The following POU2F1 variants were observed in gnomAD, a reference collection of about 807,000 sequenced individuals.
POU2F1 encodes the protein POU class 2 homeobox 1.
POU2F1 carries 16 observed loss-of-function variants against 84.9 expected under a neutral mutation model. The ratio of observed to expected loss-of-function variants is 0.19; its 90% CI spans 0.13 to 0.29. The LOEUF (loss-of-function observed/expected upper bound fraction) is 0.29. Among genes scored for constraint, POU2F1 ranks in the 10% least tolerant of loss-of-function variants. The pLI, the probability that POU2F1 is intolerant of heterozygous loss-of-function variation, is 1.00. For synonymous variants in POU2F1, 368 were observed against 368.3 expected (o/e 1.00, Z 0.01); for missense variants, 738 against 942.6 (o/e 0.78, Z 2.84).
intron 1 of POU2F1, among the ~76,000 whole-genome samples, chr1:167,273,217 G>A (rs1281546483): frequency 2.0e-5 from 3 of 152,224 alleles, no homozygotes; most frequent in African/African-American, 7.2e-5. Flanking sequence ...TGGCTCTACA[G>A]GGTACAGCCC....
chr1:167,416,506 A>G lies in POU2F1; in HGVS notation c.*696A>G, dbSNP rs898639058. ...AGGGAGGGTTTTGGGGTAAGGGGAG[A>G]CTTCTGTTCTTAACTGTGGGGAATG... On this transcript the variant is annotated 3_prime_UTR_variant, in exon 16 of 16. Transcript: ENST00000367866. The G allele has an allele frequency of 1.3e-5, 2 of 157,598 alleles. No homozygotes were observed. The highest frequency in any genetic ancestry group is 2.8e-5 in the Non-Finnish European group (2 of 72,238). The allele number at this position is 157,598 out of a possible 1,614,324, so 9.8% of individuals were successfully genotyped here.
chr1:167,264,835 C>G (rs1201234871), intron 1 of POU2F1, among the ~76,000 whole-genome samples: 2 of 152,154 alleles, frequency 1.3e-5, no homozygotes, highest in Non-Finnish European at 2.9e-5. Context: ...CATGTCTCTC[C>G]TGCTCCAGAT....
Position 167,425,412 on chromosome 1 carries a change from G to C in POU2F1, c.*9602G>C, listed in dbSNP as rs1168027874. 1.3e-5 allele frequency: 2 copies of C among 152,326 alleles called. No homozygotes were observed. The highest frequency in any genetic ancestry group is 2.9e-5 in the Non-Finnish European group (2 of 68,140). 9.4% of individuals were successfully genotyped at this position (152,326 alleles called of 1,614,324 possible). A position where few individuals can be genotyped will look rare whatever the true frequency, so the allele number is the denominator to read the frequency against. ...GGAAGGTGGGGCGGGGGGACCCTCT[G>C]ACTGGATCAGAAAGGGCAGGCAAGC... On this transcript the variant is annotated 3_prime_UTR_variant, in exon 16 of 16. Transcript: ENST00000367866.
At chr1:167,396,709 A>ACG (rs1648835441) in intron 10 of POU2F1, 1 of 294,528 alleles carries the variant, frequency 3.4e-6, no homozygotes, top group Non-Finnish European at 6.3e-6. Flanking sequence ...ACACACACAC[A>ACG]GTTGAAGGAA....
chr1:167,228,852 A>G (rs1474021399), intron 1 of POU2F1, among the ~76,000 whole-genome samples: 1 of 152,194 alleles, frequency 6.6e-6, no homozygotes. Flanking sequence ...GCACAGTGAT[A>G]ATGTCTGTAT....
chr1:167,244,318 T>C (rs1238235992), intron 1 of POU2F1, among the ~76,000 whole-genome samples: 2 of 152,040 alleles, frequency 1.3e-5, no homozygotes, highest in Admixed American at 6.6e-5. Flanking sequence ...TGGGGAAGCA[T>C]ATGCTGCCAA....
In POU2F1 at chr1:167,383,643, CAT is replaced by C; in HGVS notation, c.719-211_719-210del. On this transcript the variant is annotated intron_variant, in intron 7 of 15. Transcript: ENST00000367866. The stretch of plus-strand genomic sequence containing the variant: ...GAGCTTATTCAGATTATGCCAAAGA[CAT>C]ATCAGTTTTAATTTAATGTTGTATA... 3 of 437,720 alleles carry C rather than the reference CAT, an allele frequency of 6.9e-6. No individual in the cohort carries two copies. In the Middle Eastern group the frequency reaches 2.0e-3, roughly 285 times the overall value. 27.1% of individuals were successfully genotyped at this position (437,720 alleles called of 1,614,324 possible). A position where few individuals can be genotyped will look rare whatever the true frequency, so the allele number is the denominator to read the frequency against.
At chr1:167,238,994 G>T (rs1649702467) in intron 1 of POU2F1, among the ~76,000 whole-genome samples, 1 of 152,094 alleles carries the variant, frequency 6.6e-6, no homozygotes, top group African/African-American at 2.4e-5. Context: ...CTGAATCCAG[G>T]CACACACTCT....
intron 2 of POU2F1, among the ~76,000 whole-genome samples, chr1:167,337,008 A>T (rs750146267): frequency 3.3e-5 from 5 of 152,146 alleles, no homozygotes; most frequent in Non-Finnish European, 7.4e-5. Context: ...TCTACTAAAA[A>T]TACAAAAAAA....
intron 1 of POU2F1, among the ~76,000 whole-genome samples, chr1:167,262,166 CT>C (rs1248832644): frequency 1.3e-5 from 2 of 152,092 alleles, no homozygotes; most frequent in African/African-American, 4.8e-5. Flanking sequence ...ATAAATGTTG[CT>C]TTTTTTGAGA....
rs34591354 is a variant in POU2F1 at position 167,289,670 on chromosome 1, C to T, written c.62-42800C>T. 7.2e-3 allele frequency among the ~76,000 whole-genome samples: 1,098 copies of T among 152,308 alleles called. 6 individuals carry two copies. The highest frequency in any genetic ancestry group is 0.012 in the South Asian group (56 of 4,828). ...TGGAAATTAATTTTGATTTTATGATCAATCACACCAGATTGCCATAACTTA... is the reference window on the plus strand; with the variant it reads ...TGGAAATTAATTTTGATTTTATGATTAATCACACCAGATTGCCATAACTTA... On this transcript the variant is annotated intron_variant, in intron 1 of 15. Coordinates refer to ENST00000367866, the MANE Select transcript of POU2F1 (RefSeq NM_002697.4).
Position 167,415,755 on chromosome 1 carries a change from T to G in POU2F1, c.2246T>G (p.Val749Gly), listed in dbSNP as rs1461502590. The change falls in exon 16 of 16, where the codon GTG becomes GGG. Residue 749 changes from valine (V) to glycine (G), a missense_variant. By Grantham distance (109) the Val-to-Gly change is moderately radical. Around this residue, in one of 4 missense-constraint regions of POU2F1, gnomAD observed 319 missense variants for 386.0 expected, o/e 0.83. Coordinates refer to ENST00000367866, the MANE Select transcript of POU2F1 (RefSeq NM_002697.4). ...AESIQNSLFT[V>G]ASASGAASTT... ...TCCATCCAGAACTCTCTCTTCACAGTGGCCTCTGCCAGCGGGGCTGCGTCC... is the reference window on the plus strand; with the variant it reads ...TCCATCCAGAACTCTCTCTTCACAGGGGCCTCTGCCAGCGGGGCTGCGTCC... 1 of 1,614,032 alleles carries G rather than the reference T, an allele frequency of 6.2e-7. No individual in the cohort carries two copies. The highest frequency in any genetic ancestry group is 8.5e-7 in the Non-Finnish European group (1 of 1,180,028).
chr1:167,307,840 A>G (rs534501622), intron 1 of POU2F1, among the ~76,000 whole-genome samples: 3 of 152,150 alleles, frequency 2.0e-5, no homozygotes, highest in Non-Finnish European at 4.4e-5. Flanking sequence ...TTTAGTTGTC[A>G]TATCTCTTTA....
At chr1:167,291,015 G>A (rs535453807) in intron 1 of POU2F1, among the ~76,000 whole-genome samples, 6 of 148,898 alleles carry the variant, frequency 4.0e-5, no homozygotes, top group East Asian at 2.0e-4. Flanking sequence ...CACTGCACCC[G>A]GCCTGGGTTA....
chr1:167,358,519 T>C (rs1659125005), intron 2 of POU2F1, among the ~76,000 whole-genome samples: 1 of 151,974 alleles, frequency 6.6e-6, no homozygotes, highest in Non-Finnish European at 1.5e-5. Flanking sequence ...CAACAAGGCT[T>C]TTTATTCTCT....
intron 1 of POU2F1, among the ~76,000 whole-genome samples, chr1:167,255,067 G>A (rs1651031017): frequency 6.6e-6 from 1 of 152,168 alleles, no homozygotes; most frequent in African/African-American, 2.4e-5. Context: ...TATTTGGTGT[G>A]GTGTAAGTTC....
At chr1:167,253,695 G>A (rs1650913439) in intron 1 of POU2F1, among the ~76,000 whole-genome samples, 1 of 152,028 alleles carries the variant, frequency 6.6e-6, no homozygotes. Flanking sequence ...CCAAAGTGCT[G>A]GGATTATAAG....
intron 1 of POU2F1, among the ~76,000 whole-genome samples, chr1:167,298,660 C>T (rs968252440): frequency 1.3e-5 from 2 of 151,932 alleles, no homozygotes; most frequent in African/African-American, 4.8e-5. Context: ...TTTAAGAGTC[C>T]ATTTTTTGGG....
chr1:167,337,808 A>G (rs1380298215), intron 2 of POU2F1, among the ~76,000 whole-genome samples: 1 of 152,180 alleles, frequency 6.6e-6, no homozygotes, highest in Non-Finnish European at 1.5e-5. Flanking sequence ...AAAAAATGCC[A>G]CAAAGGACAT....
Sources: allele counts gnomAD v4.1 joint callset (sites outside exome capture counted in the v4.1 genomes callset), GRCh38; gene constraint gnomAD v4.1.1; regional missense constraint gnomAD v4.1.1; transcripts MANE v1.5; gene names NCBI Gene and HGNC (gene_info 2026-07-23, HGNC 2026-07-21).